Variants in HIVEP1 observed in about 807,000 individuals in gnomAD.
HIVEP1 encodes zinc finger protein 40.
In HIVEP1, 36 loss-of-function variants were observed where a neutral mutation model predicts 180.0. The observed-to-expected ratio is 0.20, with a 90% CI of 0.15 to 0.26. The LOEUF (loss-of-function observed/expected upper bound fraction) is 0.26, where lower values mean the gene tolerates loss of function less well. Ranked by LOEUF, HIVEP1 falls within the 10% of genes least tolerant of loss-of-function variation. HIVEP1 has a pLI of 1.00. For synonymous variants in HIVEP1, 1,239 were observed against 1,239.0 expected (o/e 1.00, Z 0.00); for missense variants, 3,143 against 3,268.7 (o/e 0.96, Z 0.94).
At chr6:12,083,120 T>C (rs1772893786) in intron 2 of HIVEP1, among the ~76,000 whole-genome samples, 1 of 152,188 alleles carries the variant, frequency 6.6e-6, no homozygotes, top group Admixed American at 6.5e-5. Flanking sequence ...GCCTTCTTCA[T>C]AGACATATGA....
At chr6:12,080,241 T>C (rs1458044385) in intron 2 of HIVEP1, among the ~76,000 whole-genome samples, 2 of 152,098 alleles carry the variant, frequency 1.3e-5, no homozygotes, top group South Asian at 4.1e-4. Context: ...TCTGAAATAG[T>C]GTGAGGTTTT....
At chr6:12,103,411 G>A (rs1774226830) in intron 3 of HIVEP1, among the ~76,000 whole-genome samples, 1 of 152,066 alleles carries the variant, frequency 6.6e-6, no homozygotes, top group Non-Finnish European at 1.5e-5. Flanking sequence ...CTAGACCCTG[G>A]CTTCCCTGTC....
At chr6:12,074,799 T>C (rs1376532957) in intron 2 of HIVEP1, among the ~76,000 whole-genome samples, 1 of 152,110 alleles carries the variant, frequency 6.6e-6, no homozygotes, top group East Asian at 1.9e-4. Flanking sequence ...GGAGTAGGAT[T>C]ATGAAGATGT....
chr6:12,074,619 A>AGTGTGTGTGTGTGTGTGTGTGTGT (rs113951055), intron 2 of HIVEP1, among the ~76,000 whole-genome samples: 3 of 138,876 alleles, frequency 2.2e-5, no homozygotes, highest in South Asian at 2.3e-4. Context: ...TGTATGAAAA[A>AGTGTGTGTGTGTGTGTGTGTGTGT]GTGTGTGTGT....
intron 2 of HIVEP1, among the ~76,000 whole-genome samples, chr6:12,077,440 T>G (rs944779933): frequency 9.2e-5 from 14 of 152,220 alleles, no homozygotes; most frequent in African/African-American, 3.1e-4. Context: ...ACAGGAGCTC[T>G]GAAGTCCTTG....
At chr6:12,147,519 G>GTTGT (rs200450004) in intron 7 of HIVEP1, among the ~76,000 whole-genome samples, 4 of 152,154 alleles carry the variant, frequency 2.6e-5, no homozygotes, top group African/African-American at 9.6e-5. Flanking sequence ...GTTGAGGTTT[G>GTTGT]TTGTTTGTTT....
the HIVEP1 span, among the ~76,000 whole-genome samples, chr6:12,202,236 C>T: frequency 5.9e-5 from 9 of 152,036 alleles, no homozygotes; most frequent in Admixed American, 2.0e-4. Context: ...CTCACTGCAG[C>T]CTTGACCTCC....
chr6:12,186,030 TA>T, the HIVEP1 span, among the ~76,000 whole-genome samples: 1 of 152,052 alleles, frequency 6.6e-6, no homozygotes, highest in Non-Finnish European at 1.5e-5. Context: ...CAAAAGCAAG[TA>T]AAAATCTAAA....
downstream of HIVEP1, among the ~76,000 whole-genome samples, chr6:12,168,358 T>TA (rs1208808756): frequency 2.3e-4 from 22 of 97,720 alleles, no homozygotes; most frequent in South Asian, 1.5e-3. Flanking sequence ...TATATGTATA[T>TA]ATTATATACA....
At chr6:12,207,552 C>T in the HIVEP1 span, among the ~76,000 whole-genome samples, 2 of 152,028 alleles carry the variant, frequency 1.3e-5, no homozygotes, top group African/African-American at 4.8e-5. Context: ...TGCTGTGAAA[C>T]AGCCTCAGAA....
intron 2 of HIVEP1, among the ~76,000 whole-genome samples, chr6:12,016,270 G>C (rs1767738900): frequency 1.3e-5 from 2 of 152,114 alleles, no homozygotes; most frequent in South Asian, 4.1e-4. Flanking sequence ...ACTTTTAATA[G>C]TAGAAAAGTA....
chr6:12,115,656 G>A (rs1775170893), intron 3 of HIVEP1, among the ~76,000 whole-genome samples: 1 of 152,008 alleles, frequency 6.6e-6, no homozygotes, highest in Admixed American at 6.6e-5. Context: ...CTCCTATTTT[G>A]AATCTTTCTC....
the HIVEP1 span, among the ~76,000 whole-genome samples, chr6:12,195,461 A>C: frequency 9.2e-5 from 14 of 152,352 alleles, no homozygotes; most frequent in African/African-American, 3.4e-4. Flanking sequence ...GCGGTTAAAA[A>C]AATTTTAGAA....
the HIVEP1 span, among the ~76,000 whole-genome samples, chr6:12,194,365 G>C: frequency 6.6e-6 from 1 of 151,520 alleles, no homozygotes. Context: ...AGAGTACAGA[G>C]AGAGAGAGAG....
At chr6:12,096,411 C>T (rs1263911564) in intron 3 of HIVEP1, among the ~76,000 whole-genome samples, 1 of 151,732 alleles carries the variant, frequency 6.6e-6, no homozygotes, top group African/African-American at 2.4e-5. Flanking sequence ...AAGTTAGGTT[C>T]CTGTGGAAAA....
the HIVEP1 span, among the ~76,000 whole-genome samples, chr6:12,170,215 G>A: frequency 6.6e-6 from 1 of 152,128 alleles, no homozygotes; most frequent in Non-Finnish European, 1.5e-5. Flanking sequence ...GAGTAAGTAA[G>A]CAAGATGCAA....
intron 2 of HIVEP1, among the ~76,000 whole-genome samples, chr6:12,082,502 C>T (rs554042713): frequency 5.3e-5 from 8 of 152,034 alleles, no homozygotes; most frequent in African/African-American, 7.2e-5. Context: ...TTGATACCCG[C>T]GGTCAAATTT....
intron 2 of HIVEP1, among the ~76,000 whole-genome samples, chr6:12,027,946 A>G (rs1464185262): frequency 6.6e-6 from 1 of 152,078 alleles, no homozygotes; most frequent in Admixed American, 6.5e-5. Context: ...TTTTCGTGTT[A>G]TGGTTTTGTT....
chr6:12,077,563 G>T (rs1179416405), intron 2 of HIVEP1, among the ~76,000 whole-genome samples: 1 of 152,170 alleles, frequency 6.6e-6, no homozygotes, highest in Non-Finnish European at 1.5e-5. Flanking sequence ...ACTTACAAGG[G>T]GAAGATGGGG....
Sources: gnomAD v4.1 joint callset for allele counts (sites outside exome capture counted in the v4.1 genomes callset) on GRCh38, gnomAD v4.1.1 for gene constraint, MANE v1.5 for transcripts, NCBI Gene and HGNC (gene_info 2026-07-23, HGNC 2026-07-21) for gene names.